ANKRD12: variants seen among roughly 807,000 people sequenced by gnomAD.
The protein encoded by ANKRD12 is ankyrin repeat domain 12.
A neutral mutation model predicts 183.4 loss-of-function variants in ANKRD12; 85 were observed. The observed-to-expected ratio is 0.46, with a 90% CI of 0.39 to 0.56. ANKRD12 has a LOEUF of 0.56. Ranked by LOEUF, ANKRD12 falls within the 20% of genes least tolerant of loss-of-function variation. ANKRD12 has a pLI of 0.00. For missense variants in ANKRD12, 2,405 were observed against 2,357.1 expected (o/e 1.02, Z -0.42); for synonymous variants, 914 against 800.2 (o/e 1.14, Z -2.40).
At chr18:9,140,115 C>G (rs1038626694) in intron 1 of ANKRD12, among the ~76,000 whole-genome samples, 4 of 152,180 alleles carry the variant, frequency 2.6e-5, no homozygotes, top group African/African-American at 9.7e-5. Flanking sequence ...TTTAAAAATA[C>G]AAAAATAATA....
chr18:9,256,861 T>G lies in ANKRD12; in HGVS notation c.3594T>G (p.Gly1198=). 6.2e-7 allele frequency: 1 copy of G among 1,613,978 alleles called. No homozygotes were observed. Among genetic ancestry groups the G allele is most frequent in the Middle Eastern group, 1.6e-4 (1 of 6,062 alleles). ...CTAGATCAGAAAATGAAAAGCCGGG[T>G]CTCAGCTCCAGATCTGTATCCATGA... is the stretch of plus-strand genomic sequence containing the variant. ...RSPRSENEKP[G]LSSRSVSMIS... is the part of the protein sequence containing the mutation. Residue 1198 remains glycine (G), a synonymous_variant, in exon 9 of 13, where the codon GGT becomes GGG. Coordinates refer to ENST00000262126, the MANE Select transcript of ANKRD12 (RefSeq NM_015208.5).
intron 2 of ANKRD12, among the ~76,000 whole-genome samples, chr18:9,191,675 T>C (rs762024966): frequency 2.0e-5 from 3 of 152,226 alleles, no homozygotes; most frequent in Non-Finnish European, 4.4e-5. Flanking sequence ...CTTTGACTTC[T>C]GAGGCCTTGC....
chr18:9,175,945 A>C (rs891372850), intron 1 of ANKRD12, among the ~76,000 whole-genome samples: 1 of 152,204 alleles, frequency 6.6e-6, no homozygotes, highest in Admixed American at 6.5e-5. Flanking sequence ...TGAACCAAAA[A>C]AAACTCTTTG....
intron 8 of ANKRD12, among the ~76,000 whole-genome samples, chr18:9,232,102 T>A (rs2037087374): frequency 6.6e-6 from 1 of 152,226 alleles, no homozygotes; most frequent in Non-Finnish European, 1.5e-5. Flanking sequence ...CAGGTTATTT[T>A]GTGTATTATT....
At chr18:9,146,581 A>C (rs2078500863) in intron 1 of ANKRD12, among the ~76,000 whole-genome samples, 1 of 152,230 alleles carries the variant, frequency 6.6e-6, no homozygotes, top group South Asian at 2.1e-4. Context: ...TTGATGTTGG[A>C]GTTTTCAGAG....
At chr18:9,260,533 T>C (rs2038904632) in intron 9 of ANKRD12, 1 of 152,166 alleles carries the variant, frequency 6.6e-6, no homozygotes, top group Non-Finnish European at 1.5e-5. Context: ...AAACGAGATT[T>C]GTTACAACCT....
At chr18:9,235,675 C>G (rs555834899) in intron 8 of ANKRD12, 1 of 456,218 alleles carries the variant, frequency 2.2e-6, no homozygotes, top group South Asian at 1.5e-5. Context: ...CCAAGCTCAG[C>G]GGAGCAAGTT....
intron 2 of ANKRD12, among the ~76,000 whole-genome samples, chr18:9,191,359 A>G (rs1598502952): frequency 6.6e-6 from 1 of 152,242 alleles, no homozygotes; most frequent in East Asian, 1.9e-4. Context: ...CTTGAAGGAC[A>G]GTTTTATAGA....
At chr18:9,141,299 T>A (rs1441291277) in intron 1 of ANKRD12, among the ~76,000 whole-genome samples, 1 of 152,172 alleles carries the variant, frequency 6.6e-6, no homozygotes, top group Non-Finnish European at 1.5e-5. Context: ...GTTGTTCATA[T>A]AATATGAGGC....
At chr18:9,221,058 C>T (rs1013343999) in intron 7 of ANKRD12, among the ~76,000 whole-genome samples, 3 of 152,170 alleles carry the variant, frequency 2.0e-5, no homozygotes, top group Admixed American at 6.5e-5. Flanking sequence ...CTTGTTTTGT[C>T]CGTGTTTCAT....
In ANKRD12 at chr18:9,257,571, T is replaced by C. The variant is rs780376599; in HGVS notation, c.4304T>C (p.Ile1435Thr). Residue 1435 changes from isoleucine to threonine, a missense_variant, in exon 9 of 13, where the codon ATC becomes ACC. This residue lies in a region of ANKRD12 where 1,983 missense variants were observed against 1,725.9 expected (regional missense o/e 1.15). Coordinates refer to ENST00000262126, the MANE Select transcript of ANKRD12 (RefSeq NM_015208.5). ...GAGACATTAAGCACCAGAGACTTTATCTGCCCAAATTCTAACATACCTGAT... is the reference window on the plus strand; with the variant it reads ...GAGACATTAAGCACCAGAGACTTTACCTGCCCAAATTCTAACATACCTGAT... Reference protein sequence around the residue: ...RLETLSTRDFICPNSNIPDQE... With the variant: ...RLETLSTRDFTCPNSNIPDQE... 6.2e-7 allele frequency: 1 copy of C among 1,614,108 alleles called. No individual in the cohort carries two copies. Among genetic ancestry groups the C allele is most frequent in the Non-Finnish European group, 8.5e-7 (1 of 1,179,982 alleles).
intron 1 of ANKRD12, among the ~76,000 whole-genome samples, chr18:9,166,634 T>C (rs1442739881): frequency 6.6e-6 from 1 of 151,782 alleles, no homozygotes; most frequent in Non-Finnish European, 1.5e-5. Flanking sequence ...GTCAGATGAG[T>C]AGGTTGCAAA....
chr18:9,198,793 G>C (rs1461303100), intron 3 of ANKRD12, among the ~76,000 whole-genome samples: 2 of 152,010 alleles, frequency 1.3e-5, no homozygotes, highest in African/African-American at 4.8e-5. Context: ...TGATCTGCCA[G>C]CCTCAGCCTC....
chr18:9,211,664 G>T lies in ANKRD12; in HGVS notation c.532G>T (p.Val178Phe). 1 of 1,613,880 alleles carries T rather than the reference G, an allele frequency of 6.2e-7. No homozygotes were observed. Among genetic ancestry groups the T allele is most frequent in the Non-Finnish European group, 8.5e-7 (1 of 1,179,862 alleles). Residue 178 changes from valine to phenylalanine, a missense_variant, in exon 6 of 13, where the codon GTT (valine) becomes TTT (phenylalanine). By Grantham distance (50) the Val-to-Phe change is conservative. This residue lies in a region of ANKRD12 where 39 missense variants were observed against 104.8 expected (regional missense o/e 0.37). Transcript: ENST00000262126. Reference sequence around the variant, plus strand: ...TTCTTCATCTCGACAGAAAGATAAAGTTAATAAAAGAAATGAACGTGGTGA... The same window carrying T: ...TTCTTCATCTCGACAGAAAGATAAATTTAATAAAAGAAATGAACGTGGTGA... ...PSSSSRQKDKVNKRNERGETP... is the reference protein window; with the variant it reads ...PSSSSRQKDKFNKRNERGETP...
chr18:9,145,318 T>A (rs540956013), intron 1 of ANKRD12, among the ~76,000 whole-genome samples: 2 of 152,296 alleles, frequency 1.3e-5, no homozygotes, highest in South Asian at 4.1e-4. Context: ...AACATTTACA[T>A]AATTAACAGT....
intron 10 of ANKRD12, among the ~76,000 whole-genome samples, chr18:9,268,878 G>A (rs1423582384): frequency 3.9e-5 from 6 of 152,296 alleles, no homozygotes; most frequent in South Asian, 2.1e-4. Context: ...AAACCCCATC[G>A]TCTCAGCCCC....
chr18:9,186,137 AT>A (rs11310603), intron 2 of ANKRD12, among the ~76,000 whole-genome samples: 1,565 of 126,734 alleles, frequency 0.012, 13 homozygotes, highest in African/African-American at 0.033. Flanking sequence ...TAAAAGTGTG[AT>A]TTTTTTTTTT....
chr18:9,222,284 A>G (rs1346079660), intron 8 of ANKRD12, among the ~76,000 whole-genome samples: 1 of 152,116 alleles, frequency 6.6e-6, no homozygotes, highest in Non-Finnish European at 1.5e-5. Flanking sequence ...ACCTCTCCCC[A>G]TGCAGAGCTA....
intron 10 of ANKRD12, among the ~76,000 whole-genome samples, chr18:9,269,739 G>A (rs1456149148): frequency 6.6e-6 from 1 of 152,154 alleles, no homozygotes; most frequent in Non-Finnish European, 1.5e-5. Flanking sequence ...AACACCAAAG[G>A]CAATGGGAAC....
Sources: gnomAD v4.1 joint callset for allele counts (sites outside exome capture counted in the v4.1 genomes callset) on GRCh38, gnomAD v4.1.1 for gene constraint, gnomAD v4.1.1 regional missense constraint, MANE v1.5 for transcripts, NCBI Gene and HGNC (gene_info 2026-07-23, HGNC 2026-07-21) for gene names.